BMP5: variants seen among roughly 807,000 people sequenced by gnomAD.
The protein encoded by BMP5 is bone morphogenetic protein 5.
A neutral mutation model predicts 46.6 loss-of-function variants in BMP5; 23 were observed. The ratio of observed to expected loss-of-function variants is 0.49; its 90% CI spans 0.35 to 0.70. The LOEUF is 0.70. Among genes scored for constraint, BMP5 ranks in the 30% least tolerant of loss-of-function variants. BMP5 has a pLI of 0.00. For missense variants in BMP5, 545 were observed against 565.6 expected, an observed-to-expected ratio of 0.96 and a Z score of 0.37; for synonymous variants, 204 against 191.9, an observed-to-expected ratio of 1.06 and a Z score of -0.52.
chr6:55,856,506 T>G (rs1410526222), intron 1 of BMP5, among the ~76,000 whole-genome samples: 1 of 152,148 alleles, frequency 6.6e-6, no homozygotes, highest in Admixed American at 6.5e-5. Flanking sequence ...TTTATACGTG[T>G]TTTAGTTGGT....
At chr6:55,760,579 T>C in intron 4 of BMP5, 46 bp from the exon 5 acceptor site, 7 of 1,501,278 alleles carry the variant, frequency 4.7e-6, no homozygotes, top group Non-Finnish European at 4.6e-6. Context: ...CTTACAGATA[T>C]ACTAATACTT....
chr6:55,815,459 A>C (rs1776236925), intron 2 of BMP5, among the ~76,000 whole-genome samples: 1 of 152,216 alleles, frequency 6.6e-6, no homozygotes, highest in Admixed American at 6.5e-5. Context: ...AGAGGATGCC[A>C]GGTAAAGATA....
At chr6:55,841,510 C>A (rs937158865) in intron 1 of BMP5, among the ~76,000 whole-genome samples, 1 of 152,148 alleles carries the variant, frequency 6.6e-6, no homozygotes, top group Non-Finnish European at 1.5e-5. Flanking sequence ...CAAAATGCCA[C>A]AGACTGGTTA....
intron 6 of BMP5, among the ~76,000 whole-genome samples, chr6:55,757,885 G>A (rs1774651844): frequency 2.0e-5 from 3 of 151,794 alleles, no homozygotes. Flanking sequence ...ATTTTATTAA[G>A]TCAATAAAGA....
Position 55,875,208 on chromosome 6 carries a change from G to T in BMP5, c.-343C>A. On this transcript the variant is annotated 5_prime_UTR_variant, in exon 1 of 7. The change creates a new upstream start codon in the 5' untranslated region. Transcript: ENST00000370830. ...TTCCTATATGAATTTATGATAATCA[G>T]GCCTTTGGTATTTGAATTAGCAAAA... The T allele has an allele frequency of 4.3e-6, 1 of 233,246 alleles. No individual in the cohort carries two copies. Among genetic ancestry groups the T allele is most frequent in the South Asian group, 5.7e-5 (1 of 17,408 alleles). 14.4% of individuals were successfully genotyped at this position (233,246 alleles called of 1,614,324 possible).
intron 1 of BMP5, among the ~76,000 whole-genome samples, chr6:55,849,102 C>A (rs898283930): frequency 2.6e-5 from 4 of 151,938 alleles, no homozygotes; most frequent in African/African-American, 9.7e-5. Flanking sequence ...CTTCTTGAAG[C>A]TAAATGGTCC....
chr6:55,775,002 C>T (rs1384253832), intron 3 of BMP5, among the ~76,000 whole-genome samples: 1 of 151,918 alleles, frequency 6.6e-6, no homozygotes, highest in Non-Finnish European at 1.5e-5. Flanking sequence ...GCAAACCAAG[C>T]CTGGAGACTC....
At chr6:55,870,175 A>G (rs961587310) in intron 1 of BMP5, among the ~76,000 whole-genome samples, 9 of 150,960 alleles carry the variant, frequency 6.0e-5, no homozygotes, top group African/African-American at 1.7e-4. Flanking sequence ...TTAAAATTTG[A>G]TATTTGTGAG....
chr6:55,800,517 T>G (rs1775821895), intron 2 of BMP5, among the ~76,000 whole-genome samples: 1 of 152,222 alleles, frequency 6.6e-6, no homozygotes, highest in African/African-American at 2.4e-5. Context: ...TGATAATGTG[T>G]TCTCCTTATA....
chr6:55,840,211 T>C (rs1776916260), intron 1 of BMP5, among the ~76,000 whole-genome samples: 1 of 152,174 alleles, frequency 6.6e-6, no homozygotes, highest in African/African-American at 2.4e-5. Flanking sequence ...ATATTAACTT[T>C]GTATTCTGTG....
At chr6:55,846,723 T>C (rs998295840) in intron 1 of BMP5, among the ~76,000 whole-genome samples, 2 of 151,882 alleles carry the variant, frequency 1.3e-5, no homozygotes, top group South Asian at 2.1e-4. Flanking sequence ...TCTGACATCA[T>C]GTCTCTTAAA....
intron 1 of BMP5, among the ~76,000 whole-genome samples, chr6:55,867,992 G>A (rs1238262918): frequency 6.6e-6 from 1 of 152,150 alleles, no homozygotes; most frequent in Non-Finnish European, 1.5e-5. Context: ...TTAAAGTCAT[G>A]TGAGCAGTAA....
chr6:55,770,207 A>C (rs1775015601), intron 4 of BMP5, among the ~76,000 whole-genome samples: 2 of 151,974 alleles, frequency 1.3e-5, no homozygotes, highest in South Asian at 4.1e-4. Context: ...CTTAATCTCC[A>C]TTAAAAATCT....
intron 1 of BMP5, among the ~76,000 whole-genome samples, chr6:55,855,013 T>A (rs1162107621): frequency 6.6e-6 from 1 of 152,106 alleles, no homozygotes. Context: ...TGTTTCTTTT[T>A]TTCTCTCCCC....
At chr6:55,826,108 T>C (rs949802225) in intron 1 of BMP5, among the ~76,000 whole-genome samples, 1 of 151,802 alleles carries the variant, frequency 6.6e-6, no homozygotes, top group Non-Finnish European at 1.5e-5. Flanking sequence ...TATTTATTGG[T>C]CAGTGAAAGA....
At chr6:55,847,686 T>C (rs2127548161) in intron 1 of BMP5, among the ~76,000 whole-genome samples, 1 of 152,104 alleles carries the variant, frequency 6.6e-6, no homozygotes, top group African/African-American at 2.4e-5. Context: ...ATCTAGGTTT[T>C]GATTTTTTCA....
At chr6:55,765,470 A>G (rs897279475) in intron 4 of BMP5, among the ~76,000 whole-genome samples, 1 of 152,168 alleles carries the variant, frequency 6.6e-6, no homozygotes, top group Non-Finnish European at 1.5e-5. Context: ...GCATCAGAAG[A>G]CCTTAATTTA....
In BMP5 at chr6:55,844,975, T is replaced by G. The variant is rs185514749; in HGVS notation, c.491-25128A>C. Among the ~76,000 whole-genome samples, 389 of 152,152 alleles carry G rather than the reference T, an allele frequency of 2.6e-3. 3 individuals carry two copies. The highest frequency in any genetic ancestry group is 4.8e-3 in the Admixed American group (74 of 15,262). On this transcript the variant is annotated intron_variant, in intron 1 of 6. Transcript: ENST00000370830. ...AAAAAGACAACTTGTTTATATCATA[T>G]AGCTTTAGTTTAATTCACCATGTAC... is the stretch of plus-strand genomic sequence containing the variant.
chr6:55,801,953 C>T (rs530212964), intron 2 of BMP5, among the ~76,000 whole-genome samples: 8 of 152,160 alleles, frequency 5.3e-5, no homozygotes, highest in Non-Finnish European at 1.0e-4. Flanking sequence ...TCAGTTATGC[C>T]ACAAGTTGGG....
Sources: allele counts gnomAD v4.1 joint callset (sites outside exome capture counted in the v4.1 genomes callset), GRCh38; gene constraint gnomAD v4.1.1; transcripts MANE v1.5; gene names NCBI Gene and HGNC (gene_info 2026-07-23, HGNC 2026-07-21).